The following LARP1B variants were observed in gnomAD, a reference collection of about 807,000 sequenced individuals.
LARP1B encodes la-related protein 1B.
In LARP1B, 76 loss-of-function variants were observed where a neutral mutation model predicts 114.2. The ratio of observed to expected loss-of-function variants is 0.67; its 90% confidence interval spans 0.55 to 0.81. The LOEUF (loss-of-function observed/expected upper bound fraction) is 0.81. LARP1B is among the 30% of genes least tolerant of loss of function. The pLI is 0.00. For synonymous variants in LARP1B, 345 were observed against 348.0 expected (o/e 0.99, Z 0.10); for missense variants, 1,014 against 1,075.8 (o/e 0.94, Z 0.80).
chr4:128,169,696 G>T (rs1742708410), intron 12 of LARP1B, among the ~76,000 whole-genome samples: 1 of 152,018 alleles, frequency 6.6e-6, no homozygotes, highest in African/African-American at 2.4e-5. Context: ...GAGTGCAGTG[G>T]TACAATCTCG....
At chr4:128,065,410 G>A (rs1004303727) in intron 1 of LARP1B, among the ~76,000 whole-genome samples, 1 of 133,866 alleles carries the variant, frequency 7.5e-6, no homozygotes, top group African/African-American at 2.7e-5. Flanking sequence ...GAGTCTCTCT[G>A]TGTTTCCCAG....
chr4:128,181,180 C>CTTTTTTTTTTTTTTTTTTTTTTTTTTT, intron 15 of LARP1B, among the ~76,000 whole-genome samples: 2 of 130,002 alleles, frequency 1.5e-5, no homozygotes, highest in South Asian at 2.4e-4. Context: ...CTCATCCATT[C>CTTTTTTTTTTTTTTTTTTTTTTTTTTT]TTTTTTTTTT....
At chr4:128,063,654 C>T (rs914958404) in intron 1 of LARP1B, among the ~76,000 whole-genome samples, 3 of 150,524 alleles carry the variant, frequency 2.0e-5, no homozygotes, top group South Asian at 2.1e-4. Context: ...TGGCGCATGC[C>T]TGTAATCCCG....
intron 8 of LARP1B, among the ~76,000 whole-genome samples, chr4:128,098,692 A>G (rs1351878708): frequency 7.3e-6 from 1 of 137,928 alleles, no homozygotes; most frequent in Non-Finnish European, 1.5e-5. Context: ...GGCGCAATCA[A>G]ACACAAATTT....
intron 11 of LARP1B, among the ~76,000 whole-genome samples, chr4:128,127,322 T>C (rs1789973825): frequency 6.6e-6 from 1 of 152,242 alleles, no homozygotes; most frequent in African/African-American, 2.4e-5. Context: ...AAAGCAATTA[T>C]TATGTCTTAT....
intron 11 of LARP1B, among the ~76,000 whole-genome samples, chr4:128,142,174 A>G (rs1728351373): frequency 6.6e-6 from 1 of 152,232 alleles, no homozygotes; most frequent in Non-Finnish European, 1.5e-5. Context: ...CTTGACCAGC[A>G]GTCAACTATG....
chr4:128,093,835 C>T (rs962483049), intron 7 of LARP1B, among the ~76,000 whole-genome samples: 6 of 150,954 alleles, frequency 4.0e-5, no homozygotes, highest in East Asian at 2.0e-4. Context: ...CTCAGCCTCC[C>T]GAGTGGCTGT....
In LARP1B at chr4:128,199,425, C is replaced by A. The variant is rs1755236924; in HGVS notation, c.2004-14C>A. 2.0e-6 allele frequency: 3 copies of A among 1,472,934 alleles called. No individual in the cohort carries two copies. The highest frequency in any genetic ancestry group is 2.2e-5 in the Admixed American group (1 of 45,374). 91.2% of individuals were successfully genotyped at this position (1,472,934 alleles called of 1,614,324 possible). On this transcript the variant is annotated splice_polypyrimidine_tract_variant and intron_variant, in intron 15 of 19. Coordinates refer to ENST00000326639, the MANE Select transcript of LARP1B (RefSeq NM_018078.4). ...TTTTTCATTTTGAAGGCTTTTTTCC[C>A]CTTTCTCAAACAGCACTTCAAATGC...
At chr4:128,065,307 T>TC (rs1561011731) in intron 1 of LARP1B, among the ~76,000 whole-genome samples, 1,761 of 100,948 alleles carry the variant, frequency 0.017, 56 homozygotes, top group Non-Finnish European at 0.027. Context: ...CTTTCTTTCT[T>TC]TCTTTCTTTC....
intron 5 of LARP1B, among the ~76,000 whole-genome samples, chr4:128,088,887 G>T (rs377693719): frequency 6.6e-6 from 1 of 152,042 alleles, no homozygotes; most frequent in Non-Finnish European, 1.5e-5. Context: ...GATCTGGGAG[G>T]GGGAGGTGGG....
chr4:128,162,779 G>T (rs1303834422), intron 12 of LARP1B, among the ~76,000 whole-genome samples: 3 of 152,036 alleles, frequency 2.0e-5, no homozygotes, highest in Non-Finnish European at 4.4e-5. Context: ...TTAAAAAAAT[G>T]ATTTATAAAA....
At chr4:128,167,034 G>A (rs1476280133) in intron 12 of LARP1B, among the ~76,000 whole-genome samples, 2 of 145,932 alleles carry the variant, frequency 1.4e-5, no homozygotes, top group South Asian at 2.2e-4. Context: ...ACACACGTGT[G>A]TACGTATATA....
intron 15 of LARP1B, among the ~76,000 whole-genome samples, chr4:128,182,573 C>T (rs1341375862): frequency 7.2e-5 from 11 of 152,172 alleles, no homozygotes; most frequent in African/African-American, 2.7e-4. Flanking sequence ...ATCTCTCCCC[C>T]TCTTCTTGGG....
chr4:128,156,318 T>G, intron 11 of LARP1B: 1 of 683,044 alleles, frequency 1.5e-6, no homozygotes, highest in South Asian at 1.8e-5. Flanking sequence ...CAGCTGCTTC[T>G]CCATCCCTCT....
chr4:128,220,858 A>C (rs1759962156), intron 7 of LARP1B, among the ~76,000 whole-genome samples: 1 of 152,230 alleles, frequency 6.6e-6, no homozygotes. Context: ...ACTAGTTGTT[A>C]ATCTTGTAAC....
At chr4:128,203,943 C>A (rs929177814) in intron 17 of LARP1B, among the ~76,000 whole-genome samples, 2 of 152,170 alleles carry the variant, frequency 1.3e-5, no homozygotes, top group Non-Finnish European at 2.9e-5. Context: ...AGCTGTCTTG[C>A]AGTTAGTGGT....
intron 4 of LARP1B, among the ~76,000 whole-genome samples, chr4:128,081,386 T>A (rs1371045992): frequency 6.6e-6 from 1 of 150,598 alleles, no homozygotes; most frequent in South Asian, 2.1e-4. Flanking sequence ...GCCTTTTTTT[T>A]TTTTTTTTTT....
intron 1 of LARP1B, among the ~76,000 whole-genome samples, chr4:128,065,256 T>TTA (rs1762016594): frequency 1.7e-5 from 1 of 59,816 alleles, no homozygotes; most frequent in East Asian, 5.0e-4. Context: ...ACAATTAATT[T>TTA]CTTTCTTTCT....
intron 10 of LARP1B, among the ~76,000 whole-genome samples, chr4:128,118,018 C>T (rs1343906569): frequency 3.4e-5 from 5 of 147,148 alleles, no homozygotes; most frequent in South Asian, 4.3e-4. Flanking sequence ...TGGGCTCAAG[C>T]GATTCCCCTG....
Sources: gnomAD v4.1 joint callset for allele counts (sites outside exome capture counted in the v4.1 genomes callset) on GRCh38, gnomAD v4.1.1 for gene constraint, MANE v1.5 for transcripts, NCBI Gene and HGNC (gene_info 2026-07-23, HGNC 2026-07-21) for gene names.